Variants in PGM5 observed in about 807,000 individuals in gnomAD.
PGM5 encodes the protein phosphoglucomutase-like protein 5.
In PGM5, 23 loss-of-function variants were observed where a neutral mutation model predicts 59.2. That is an observed-to-expected ratio of 0.39 (90% CI 0.28 to 0.55). PGM5 has a LOEUF of 0.55. PGM5 is among the 20% of genes least tolerant of loss of function. The probability of loss-of-function intolerance (pLI) is 0.66; values close to 1 mark genes in which losing one functional copy is unlikely to be tolerated. For missense variants in PGM5, 574 were observed against 748.3 expected, an observed-to-expected ratio of 0.77 and a Z score of 2.72; for synonymous variants, 214 against 286.0, an observed-to-expected ratio of 0.75 and a Z score of 2.54.
In PGM5 at chr9:68,529,577, G is replaced by A. The variant is rs756925733; in HGVS notation, c.1625G>A (p.Ser542Asn). ...CTTTTCCTTTTGCAGGCAGTGCTGA[G>A]CCCTCTCATAGCCATCGCACTGAAA... is the stretch of plus-strand genomic sequence containing the variant. The part of the protein sequence containing the change: ...GHDQEPQAVL[S>N]PLIAIALKIS... Residue 542 changes from serine (S) to asparagine (N), a missense_variant, in exon 11 of 11, where the codon AGC (serine) becomes AAC (asparagine). Physicochemically the swap from Ser to Asn is conservative, Grantham distance 46. This residue lies in a region of PGM5 where 300 missense variants were observed against 280.0 expected (regional missense o/e 1.07). Transcript: ENST00000396396. 3 of 1,594,824 alleles carry A rather than the reference G, an allele frequency of 1.9e-6. No homozygotes were observed. In the African/African-American group the frequency reaches 4.0e-5, roughly 21 times the overall value.
rs545819591 is a variant in PGM5 at position 68,359,520 on chromosome 9, G to C, written c.261+2132G>C. Reference sequence around the variant, plus strand: ...CTAAAGTGAAGTGAATAGCCATAAGGCTGGCTTCAGGAGAAAGGTGGTCTA... The same window carrying C: ...CTAAAGTGAAGTGAATAGCCATAAGCCTGGCTTCAGGAGAAAGGTGGTCTA... On this transcript the variant is annotated intron_variant, in intron 1 of 10. Transcript: ENST00000396396. Among the ~76,000 whole-genome samples the C allele has an allele frequency of 1.7e-3, 264 of 152,306 alleles. 1 individual carries two copies. Among genetic ancestry groups the C allele is most frequent in the African/African-American group, 6.2e-3 (256 of 41,570 alleles).
chr9:68,393,970 A>T (rs560289025), intron 6 of PGM5: 1 of 152,196 alleles, frequency 6.6e-6, no homozygotes. Flanking sequence ...GTGGGTATGG[A>T]TGAATAAAAA....
intron 8 of PGM5, 70 bp downstream of exon 8, chr9:68,479,623 A>G (rs1824160908): frequency 1.3e-6 from 2 of 1,518,532 alleles, no homozygotes; most frequent in East Asian, 4.5e-5. Context: ...TCTAAAACTG[A>G]TGGGCTAGAA....
At chr9:68,500,735 AC>A (rs1238612473) in intron 10 of PGM5, among the ~76,000 whole-genome samples, 2 of 152,236 alleles carry the variant, frequency 1.3e-5, no homozygotes, top group African/African-American at 4.8e-5. Flanking sequence ...AGAGCTACGT[AC>A]GTGAGGAATG....
rs782309753 is a variant in PGM5, at chr9:68,376,817, C to CTTTCTT, written c.262-1380_262-1375dup. Among the ~76,000 whole-genome samples, 162 of 72,032 alleles carry CTTTCTT rather than the reference C, an allele frequency of 2.2e-3. 9 individuals carry two copies. Among genetic ancestry groups the CTTTCTT allele is most frequent in the African/African-American group, 8.7e-3 (159 of 18,302 alleles). The allele number at this position is 72,032 out of a possible 152,430, so 47.3% of individuals were successfully genotyped here. On this transcript the variant is annotated intron_variant, in intron 1 of 10. Transcript: ENST00000396396. ...TCTTTCTTTCTTTCTTTCTTTCTTT[C>CTTTCTT]TTTCTTTCTTTCTTTCTCTTTCTTT...
Position 68,437,600 on chromosome 9 carries a change from C to A in PGM5, c.1044-27493C>A, listed in dbSNP as rs1444963326. On this transcript the variant is annotated intron_variant, in intron 6 of 10. Coordinates refer to ENST00000396396, the MANE Select transcript of PGM5 (RefSeq NM_021965.4). This position sits in a 1 kb window ranked among gnomAD's most constrained non-coding sequence, Gnocchi z 4.1. Reference sequence around the variant, plus strand: ...ACTCACACACACACACACACACACACTCTCACACATTTTACCCACACATGC... The same window carrying A: ...ACTCACACACACACACACACACACAATCTCACACATTTTACCCACACATGC... Among the ~76,000 whole-genome samples, 1 of 128,542 alleles carries A rather than the reference C, an allele frequency of 7.8e-6. No individual in the cohort carries two copies. The highest frequency in any genetic ancestry group is 1.5e-5 in the Non-Finnish European group (1 of 65,438). The allele number at this position is 128,542 out of a possible 152,430, so 84.3% of individuals were successfully genotyped here. A position where few individuals can be genotyped will look rare whatever the true frequency, so the allele number is the denominator to read the frequency against.
Position 68,382,844 on chromosome 9 carries a change from T to C in PGM5, c.425-1554T>C, listed in dbSNP as rs2491903. On this transcript the variant is annotated intron_variant, in intron 2 of 10. Coordinates refer to ENST00000396396, the MANE Select transcript of PGM5 (RefSeq NM_021965.4). ...ACAACTATCTAGAGAGACAGTACTT[T>C]CTTTACTTTTGGAAATCAGTGTGCT... Among the ~76,000 whole-genome samples the C allele has an allele frequency of 7.5e-4, 113 of 151,582 alleles. 1 individual carries two copies. The highest frequency in any genetic ancestry group is 2.6e-3 in the African/African-American group (108 of 41,438).
intron 1 of PGM5, among the ~76,000 whole-genome samples, chr9:68,365,107 G>C (rs1554676564): frequency 2.7e-5 from 4 of 148,950 alleles, no homozygotes; most frequent in Non-Finnish European, 6.0e-5. Flanking sequence ...TTTTGGAGAT[G>C]TCCAAGCATA....
At chr9:68,505,675 A>G (rs1554688964) in intron 10 of PGM5, among the ~76,000 whole-genome samples, 5 of 152,198 alleles carry the variant, frequency 3.3e-5, no homozygotes. Flanking sequence ...TGGAGCTTCC[A>G]TGCCCTCTCT....
At chr9:68,402,409 T>C (rs2132028824) in intron 6 of PGM5, 1 of 152,370 alleles carries the variant, frequency 6.6e-6, no homozygotes, top group Middle Eastern at 3.4e-3. Flanking sequence ...GCAAGAATCA[T>C]TGCTCTCTTT....
chr9:68,522,603 C>T (rs1435064190), intron 10 of PGM5, among the ~76,000 whole-genome samples: 1 of 152,182 alleles, frequency 6.6e-6, no homozygotes, highest in Non-Finnish European at 1.5e-5. Context: ...TACCTCCAAA[C>T]AATCTAAGAG....
chr9:68,497,230 A>G (rs1824496195), intron 9 of PGM5: 1 of 152,234 alleles, frequency 6.6e-6, no homozygotes, highest in Admixed American at 6.5e-5. Context: ...TTCGTTGTAA[A>G]AAATTACTCC....
chr9:68,358,925 T>C (rs1424954191), intron 1 of PGM5, among the ~76,000 whole-genome samples: 4 of 152,296 alleles, frequency 2.6e-5, no homozygotes, highest in African/African-American at 9.6e-5. Flanking sequence ...ATCAGGGAGT[T>C]GAAGAGAGGT....
rs2639610 is a variant in PGM5, at chr9:68,529,945, C to T, written c.*289C>T. ...ACCTCCCCTTTTGACAACAACTGGG[C>T]TAGGCAGCTGTTAATCACAACATTT... On this transcript the variant is annotated 3_prime_UTR_variant, in exon 11 of 11. Coordinates refer to ENST00000396396, the MANE Select transcript of PGM5 (RefSeq NM_021965.4). 1 of 268,658 alleles carries T rather than the reference C, an allele frequency of 3.7e-6. No individual in the cohort carries two copies. The highest frequency in any genetic ancestry group is 5.1e-5 in the South Asian group (1 of 19,518). 16.6% of individuals were successfully genotyped at this position (268,658 alleles called of 1,614,324 possible). A position where few individuals can be genotyped will look rare whatever the true frequency, so the allele number is the denominator to read the frequency against.
At chr9:68,518,785 G>A (rs111481806) in intron 10 of PGM5, among the ~76,000 whole-genome samples, 13 of 152,296 alleles carry the variant, frequency 8.5e-5, no homozygotes, top group African/African-American at 2.9e-4. Flanking sequence ...AGAATAGAGG[G>A]TAAGAGACAC....
chr9:68,368,652 T>C (rs1279463435), intron 1 of PGM5, among the ~76,000 whole-genome samples: 1 of 152,238 alleles, frequency 6.6e-6, no homozygotes, highest in Non-Finnish European at 1.5e-5. Flanking sequence ...TTTTTTTCTT[T>C]TTTCTTTTTT....
At chr9:68,518,673 A>T (rs951427859) in intron 10 of PGM5, among the ~76,000 whole-genome samples, 2 of 152,262 alleles carry the variant, frequency 1.3e-5, no homozygotes, top group African/African-American at 2.4e-5. Flanking sequence ...ATTTCAGAAG[A>T]AACTATGCAT....
chr9:68,492,484 G>T (rs1824409256), intron 9 of PGM5, among the ~76,000 whole-genome samples: 1 of 152,172 alleles, frequency 6.6e-6, no homozygotes, highest in Non-Finnish European at 1.5e-5. Context: ...CCCCAAGAAG[G>T]CTGGTTGGTT....
At chr9:68,380,765 C>A (rs1415918247) in intron 2 of PGM5, among the ~76,000 whole-genome samples, 1 of 151,588 alleles carries the variant, frequency 6.6e-6, no homozygotes, top group African/African-American at 2.4e-5. Context: ...GCAATAGATA[C>A]CTCAGAAATA....
Sources: allele counts gnomAD v4.1 joint callset (sites outside exome capture counted in the v4.1 genomes callset), GRCh38; gene constraint gnomAD v4.1.1; regional missense constraint gnomAD v4.1.1; non-coding constraint Gnocchi (gnomAD v3.1); transcripts MANE v1.5; gene names NCBI Gene and HGNC (gene_info 2026-07-23, HGNC 2026-07-21).